The following C19orf12 variants were observed in gnomAD, a reference collection of about 807,000 sequenced individuals.
The protein encoded by C19orf12 is protein C19orf12.
Under a neutral mutation model 3.8 loss-of-function variants are expected in C19orf12, and 2 were observed. The observed-to-expected ratio is 0.53, with a 90% CI of 0.22 to 1.66. The LOEUF (loss-of-function observed/expected upper bound fraction) is 1.66. Ranked by LOEUF, C19orf12 falls within the 40% of genes most tolerant of loss-of-function variation. The pLI is 0.20. For missense variants in C19orf12, 156 were observed against 188.8 expected (o/e 0.83, Z 1.02); for synonymous variants, 89 against 84.6 (o/e 1.05, Z -0.28).
rs1310432889 is a variant in C19orf12 at position 29,702,779 on chromosome 19, T to A, written c.359A>T (p.Gln120Leu). 2 of 1,613,866 alleles carry A rather than the reference T, an allele frequency of 1.2e-6. No individual in the cohort carries two copies. The highest frequency in any genetic ancestry group is 1.7e-6 in the Non-Finnish European group (2 of 1,179,918). The change falls in exon 3 of 3, where the codon CAG becomes CTG. Residue 120 changes from glutamine to leucine, a missense_variant. Coordinates refer to ENST00000323670, the MANE Select transcript of C19orf12 (RefSeq NM_031448.6). The stretch of plus-strand genomic sequence containing the variant: ...GTAGTTCACCAGCATGGCCAGCAGC[T>A]GCTGCTGCAGGGCCTCGCTGCCCAT... ...LVMGSEALQQ[Q>L]LLAMLVNYVT...
rs369822130 is a variant in C19orf12, at chr19:29,702,867, C to T, written c.271G>A (p.Glu91Lys). 5.6e-6 allele frequency: 9 copies of T among 1,614,040 alleles called. No homozygotes were observed. Among genetic ancestry groups the T allele is most frequent in the African/African-American group, 4.0e-5 (3 of 74,922 alleles). The stretch of plus-strand genomic sequence containing the variant: ...AGGTGCCTGATGATGGCTGCGGCTT[C>T]GTTAAAGAGCCTCTGTTGCTCGGCA... ...PPAEQQRLFNEAAAIIRHLEW... is the reference protein window; with the variant it reads ...PPAEQQRLFNKAAAIIRHLEW... Residue 91 changes from glutamate (E) to lysine (K), a missense_variant, in exon 3 of 3, where the codon GAA (glutamate) becomes AAA (lysine). Physicochemically the swap from Glu to Lys is moderately conservative, Grantham distance 56. Transcript: ENST00000323670.
Position 29,708,432 on chromosome 19 carries a change from G to A in C19orf12, c.-10-9C>T. On this transcript the variant is annotated splice_polypyrimidine_tract_variant and intron_variant, in intron 1 of 2. Coordinates refer to ENST00000323670, the MANE Select transcript of C19orf12 (RefSeq NM_031448.6). ...TAGTCATCGTGGCGGGCCTTCGAGG[G>A]AGAAGTTCAGAGGGACAGTTTCAAT... 1 of 1,612,900 alleles carries A rather than the reference G, an allele frequency of 6.2e-7. No homozygotes were observed. Among genetic ancestry groups the A allele is most frequent in the Non-Finnish European group, 8.5e-7 (1 of 1,180,000 alleles).
Position 29,702,449 on chromosome 19 carries a change from G to A in C19orf12, c.*263C>T. On this transcript the variant is annotated 3_prime_UTR_variant, in exon 3 of 3. Transcript: ENST00000323670. ...CGCCTCCGAAGCCTGCGGCAGGCAG[G>A]CCTTTACTCTTCACTGGGGGGCCAG... The A allele has an allele frequency of 1.5e-6, 1 of 669,844 alleles. No individual in the cohort carries two copies. The highest frequency in any genetic ancestry group is 2.7e-6 in the Non-Finnish European group (1 of 366,770). The allele number at this position is 669,844 out of a possible 1,614,324, so 41.5% of individuals were successfully genotyped here. A position where few individuals can be genotyped will look rare whatever the true frequency, so the allele number is the denominator to read the frequency against.
chr19:29,709,748 T>C (rs1006935382), intron 1 of C19orf12, among the ~76,000 whole-genome samples: 8 of 152,174 alleles, frequency 5.3e-5, no homozygotes, highest in African/African-American at 1.9e-4. Flanking sequence ...CAGGCTGGTC[T>C]TGAACTCCTG....
intron 1 of C19orf12, among the ~76,000 whole-genome samples, chr19:29,712,628 C>T (rs780016159): frequency 2.6e-5 from 4 of 152,106 alleles, no homozygotes; most frequent in East Asian, 1.9e-4. Context: ...CTCAGAAATT[C>T]GCACCTTATG....
rs907271960 is a variant in C19orf12 at position 29,699,655 on chromosome 19, C to G, written c.*3057G>C. The G allele has an allele frequency of 1.0e-4, 47 of 453,700 alleles. No individual in the cohort carries two copies. Among genetic ancestry groups the G allele is most frequent in the Admixed American group, 1.0e-3 (43 of 42,514 alleles). The allele number at this position is 453,700 out of a possible 1,614,324, so 28.1% of individuals were successfully genotyped here. A position where few individuals can be genotyped will look rare whatever the true frequency, so the allele number is the denominator to read the frequency against. On this transcript the variant is annotated 3_prime_UTR_variant, in exon 3 of 3. Transcript: ENST00000323670. ...CTAGGTTTTCAGCAACAAATACTGA[C>G]AAAAGGAAATGAACAGTTTTCAGAG...
Position 29,708,294 on chromosome 19 carries a change from G to T in C19orf12, c.120C>A (p.Phe40Leu). ...KGALVTGAMA[F>L]VGGLVGGPPG... ...GTGGGCCGCCCACCAAACCCCCGAC[G>T]AAGGCCATGGCCCCTGTGACCAGGG... The change falls in exon 2 of 3, where the codon TTC becomes TTA. Residue 40 changes from phenylalanine to leucine, a missense_variant. Coordinates refer to ENST00000323670, the MANE Select transcript of C19orf12 (RefSeq NM_031448.6). The T allele has an allele frequency of 6.2e-7, 1 of 1,613,580 alleles. No individual in the cohort carries two copies. Among genetic ancestry groups the T allele is most frequent in the South Asian group, 1.1e-5 (1 of 91,062 alleles).
At chr19:29,714,306 G>A (rs1025732525) in intron 1 of C19orf12, among the ~76,000 whole-genome samples, 3 of 152,030 alleles carry the variant, frequency 2.0e-5, no homozygotes, top group African/African-American at 7.2e-5. Flanking sequence ...TAGCCTGGCC[G>A]ATATGGTGAA....
chr19:29,711,171 C>T (rs1267244722), intron 1 of C19orf12, among the ~76,000 whole-genome samples: 1 of 149,754 alleles, frequency 6.7e-6, no homozygotes, highest in South Asian at 2.1e-4. Context: ...TCCCGAATAG[C>T]TGGGACTACA....
At chr19:29,711,135 G>A (rs1385795170) in intron 1 of C19orf12, among the ~76,000 whole-genome samples, 2 of 131,824 alleles carry the variant, frequency 1.5e-5, no homozygotes, top group East Asian at 2.6e-4. Context: ...CGCCTCCCAC[G>A]TTCAAGCGAT....
rs757808345 is a variant in C19orf12 at position 29,699,777 on chromosome 19, C to A, written c.*2935G>T. On this transcript the variant is annotated 3_prime_UTR_variant, in exon 3 of 3. Transcript: ENST00000323670. ...GGAGCAGGCCTTCCCTTGCAGCTTG[C>A]GCCCTCCCGTACCTTTTAAATTTTG... 1 of 453,778 alleles carries A rather than the reference C, an allele frequency of 2.2e-6. No individual in the cohort carries two copies. The highest frequency in any genetic ancestry group is 4.4e-6 in the Non-Finnish European group (1 of 226,742). The allele number at this position is 453,778 out of a possible 1,614,324, so 28.1% of individuals were successfully genotyped here.
chr19:29,703,062 T>A, intron 2 of C19orf12, 85 bp from the exon 3 acceptor site: 1 of 1,571,046 alleles, frequency 6.4e-7, no homozygotes. Flanking sequence ...CACACCACCA[T>A]CACCATGAGC....
chr19:29,713,724 T>G (rs2145657040), intron 1 of C19orf12, among the ~76,000 whole-genome samples: 1 of 152,264 alleles, frequency 6.6e-6, no homozygotes. Flanking sequence ...GCACCTCAGA[T>G]TCCTGATTTC....
In C19orf12 at chr19:29,700,251, C is replaced by T. The variant is rs769289544; in HGVS notation, c.*2461G>A. 1.1e-5 allele frequency: 5 copies of T among 453,964 alleles called. No individual in the cohort carries two copies. Among genetic ancestry groups the T allele is most frequent in the Admixed American group, 2.4e-5 (1 of 42,552 alleles). 28.1% of individuals were successfully genotyped at this position (453,964 alleles called of 1,614,324 possible). On this transcript the variant is annotated 3_prime_UTR_variant, in exon 3 of 3. Coordinates refer to ENST00000323670, the MANE Select transcript of C19orf12 (RefSeq NM_031448.6). ...GCCCAATCGCCTAACAAAGGCAACT[C>T]AATTTCAGCCCCGATTGTTCCAGAA... is the stretch of plus-strand genomic sequence containing the variant.
Position 29,702,517 on chromosome 19 carries a change from C to G in C19orf12, c.*195G>C, listed in dbSNP as rs1458339428. On this transcript the variant is annotated 3_prime_UTR_variant, in exon 3 of 3. Transcript: ENST00000323670. ...CAGGCCAGTGCACATGCCACCAACA[C>G]ATGCTGCTTCATCAGTAATTTCTGG... 5.0e-6 allele frequency: 4 copies of G among 793,716 alleles called. No homozygotes were observed. Among genetic ancestry groups the G allele is most frequent in the Non-Finnish European group, 8.5e-6 (4 of 468,438 alleles). The allele number at this position is 793,716 out of a possible 1,614,324, so 49.2% of individuals were successfully genotyped here.
intron 1 of C19orf12, chr19:29,708,717 G>GCTGGT: frequency 2.2e-6 from 1 of 446,014 alleles, no homozygotes; most frequent in Non-Finnish European, 4.2e-6. Context: ...CACATGTTCT[G>GCTGGT]CTGGTTCATC....
chr19:29,715,204 CG>C lies in C19orf12; in HGVS notation c.-91del. The C allele has an allele frequency of 2.1e-6, 1 of 465,166 alleles. No homozygotes were observed. The highest frequency in any genetic ancestry group is 3.9e-6 in the Non-Finnish European group (1 of 255,526). The allele number at this position is 465,166 out of a possible 1,614,324, so 28.8% of individuals were successfully genotyped here. ...CGGGCCTGGCAGGCCCCGGGCTCCCCGCCCAGCTCCCCAGCCCCGCGGAGGG... is the reference window on the plus strand; with the variant it reads ...CGGGCCTGGCAGGCCCCGGGCTCCCCCCCAGCTCCCCAGCCCCGCGGAGGG... On this transcript the variant is annotated 5_prime_UTR_variant, in exon 1 of 3. Coordinates refer to ENST00000323670, the MANE Select transcript of C19orf12 (RefSeq NM_031448.6).
chr19:29,711,727 A>C (rs1228094062), intron 1 of C19orf12, among the ~76,000 whole-genome samples: 3 of 152,206 alleles, frequency 2.0e-5, no homozygotes, highest in East Asian at 1.9e-4. Context: ...GGAAAGAAGG[A>C]AGGCAGGAAA....
intron 2 of C19orf12, among the ~76,000 whole-genome samples, chr19:29,703,507 A>G (rs1205434806): frequency 1.3e-5 from 2 of 150,978 alleles, no homozygotes; most frequent in Non-Finnish European, 3.0e-5. Context: ...CAGCCTCCCA[A>G]GTAGCTGGGA....
Sources: allele counts gnomAD v4.1 joint callset (sites outside exome capture counted in the v4.1 genomes callset), GRCh38; gene constraint gnomAD v4.1.1; transcripts MANE v1.5; gene names NCBI Gene and HGNC (gene_info 2026-07-23, HGNC 2026-07-21).